Variants in DNAAF6 observed in about 807,000 individuals in gnomAD.
DNAAF6 encodes dynein axonemal assembly factor 6.
Under a neutral mutation model 13.7 loss-of-function variants are expected in DNAAF6, and 3 were observed. That is an observed-to-expected ratio of 0.22 (90% CI 0.10 to 0.56). The LOEUF (loss-of-function observed/expected upper bound fraction) is 0.56, where lower values mean the gene tolerates loss of function less well. Ranked by LOEUF, DNAAF6 falls within the 20% of genes least tolerant of loss-of-function variation. The probability of loss-of-function intolerance (pLI) is 0.92; values close to 1 mark genes in which losing one functional copy is unlikely to be tolerated. For synonymous variants in DNAAF6, 54 were observed against 49.2 expected (o/e 1.10, Z -0.41); for missense variants, 130 against 151.0 (o/e 0.86, Z 0.73).
intron 1 of DNAAF6, among the ~76,000 whole-genome samples, chrX:107,212,345 C>G (rs1927874994): frequency 9.0e-6 from 1 of 110,587 alleles, no homozygotes; most frequent in Admixed American, 9.7e-5. Flanking sequence ...TCTGAACCTT[C>G]ATCTCTAGTA....
chrX:107,240,270 A>G (rs1051947077), intron 6 of DNAAF6, among the ~76,000 whole-genome samples: 9 of 112,136 alleles, frequency 8.0e-5, no homozygotes, highest in Admixed American at 5.7e-4. Flanking sequence ...GTACTTATAT[A>G]TTAAATGCGC....
At chrX:107,229,677 C>T (rs1023023655) in intron 5 of DNAAF6, among the ~76,000 whole-genome samples, 2 of 109,560 alleles carry the variant, frequency 1.8e-5, no homozygotes, top group Admixed American at 9.8e-5. Context: ...TAGTCCTGAA[C>T]TCTCCCATGG....
chrX:107,237,109 T>G (rs142783833), intron 5 of DNAAF6, among the ~76,000 whole-genome samples: 1,570 of 112,510 alleles, frequency 0.014, 18 homozygotes, highest in South Asian at 0.11. Flanking sequence ...TACAAATCTT[T>G]GTTTATATAC....
chrX:107,225,353 C>T (rs746122961), intron 5 of DNAAF6, among the ~76,000 whole-genome samples: 11 of 110,975 alleles, frequency 9.9e-5, no homozygotes, highest in Middle Eastern at 4.7e-3. Flanking sequence ...TATGGTGTTT[C>T]CTTGAATCTA....
Position 107,211,015 on chromosome X carries a change from G to A in DNAAF6, c.-3-1858G>A, listed in dbSNP as rs749018157. On this transcript the variant is annotated intron_variant, in intron 1 of 6. Coordinates refer to ENST00000372453, the MANE Select transcript of DNAAF6 (RefSeq NM_173494.2). ...ACACTGCATAGTTCATTGTAGTGAAGATAGTTCCCTACAAATAGTTCTTTG... is the reference window on the plus strand; with the variant it reads ...ACACTGCATAGTTCATTGTAGTGAAAATAGTTCCCTACAAATAGTTCTTTG... Among the ~76,000 whole-genome samples the A allele has an allele frequency of 1.1e-3, 124 of 111,857 alleles. 1 individual carries two copies. In the Middle Eastern group the frequency reaches 0.046, roughly 42 times the overall value.
chrX:107,213,155 C>A, intron 2 of DNAAF6, 127 bp downstream of exon 2: 1 of 654,551 alleles, frequency 1.5e-6, no homozygotes, highest in Non-Finnish European at 2.2e-6. Context: ...CAGGAAGCTA[C>A]AAGGCTGATT....
At chrX:107,211,274 T>C (rs1927849111) in intron 1 of DNAAF6, among the ~76,000 whole-genome samples, 1 of 112,131 alleles carries the variant, frequency 8.9e-6, no homozygotes, top group Non-Finnish European at 1.9e-5. Flanking sequence ...AGTCACAAAA[T>C]ATTTGGGATT....
At chrX:107,212,670 T>A (rs767754325) in intron 1 of DNAAF6, among the ~76,000 whole-genome samples, 18 of 111,656 alleles carry the variant, frequency 1.6e-4, no homozygotes, top group Non-Finnish European at 3.4e-4. Context: ...TAAAGCAGGC[T>A]GAATGTTTGA....
chrX:107,236,708 G>C (rs189099246), intron 5 of DNAAF6, among the ~76,000 whole-genome samples: 1 of 112,188 alleles, frequency 8.9e-6, no homozygotes, highest in Admixed American at 9.5e-5. Context: ...CCCAGAAATT[G>C]TATCTATTTT....
rs973784024 is a variant in DNAAF6 at position 107,243,832 on chromosome X, G to A, written c.*534G>A. 5 of 112,738 alleles carry A rather than the reference G, an allele frequency of 4.4e-5. No individual in the cohort carries two copies. Among genetic ancestry groups the A allele is most frequent in the African/African-American group, 1.6e-4 (5 of 30,908 alleles). The allele number at this position is 112,738 out of a possible 1,213,427, so 9.3% of individuals were successfully genotyped here. On this transcript the variant is annotated 3_prime_UTR_variant, in exon 7 of 7. Transcript: ENST00000372453. ...TGAAATGGTTGGTCCACTTACTTCA[G>A]TAGTCTGAAAAACTTATGCTAATTA... is the stretch of plus-strand genomic sequence containing the variant.
intron 5 of DNAAF6, among the ~76,000 whole-genome samples, chrX:107,238,209 T>C (rs991752892): frequency 5.4e-5 from 6 of 111,322 alleles, no homozygotes; most frequent in Non-Finnish European, 1.1e-4. Context: ...ACATTTGGGT[T>C]GCTTACACCT....
At position 107,212,870 on chromosome X, in the gene DNAAF6, C is replaced by T. The variant is rs1370534815; in HGVS notation, c.-3-3C>T. ...ACCTCTTTCTGATTATCTTTTTCTT[C>T]AGATAATGGAATCTGAAAATATGGA... On this transcript the variant is annotated splice_polypyrimidine_tract_variant and splice_region_variant and intron_variant, in intron 1 of 6. Transcript: ENST00000372453. 2.6e-6 allele frequency: 3 copies of T among 1,166,120 alleles called. No homozygotes were observed. Among genetic ancestry groups the T allele is most frequent in the Non-Finnish European group, 3.4e-6 (3 of 874,025 alleles).
At chrX:107,217,707 G>A (rs188768800) in intron 3 of DNAAF6, among the ~76,000 whole-genome samples, 66 of 112,231 alleles carry the variant, frequency 5.9e-4, no homozygotes, top group Middle Eastern at 4.6e-3. Context: ...CAGAGGATAG[G>A]AAGGGAGAGG....
At chrX:107,225,214 G>A (rs920952928) in intron 5 of DNAAF6, among the ~76,000 whole-genome samples, 1 of 110,392 alleles carries the variant, frequency 9.1e-6, no homozygotes, top group Non-Finnish European at 1.9e-5. Context: ...ATGTTATCCT[G>A]TAGGCATACT....
intron 6 of DNAAF6, among the ~76,000 whole-genome samples, chrX:107,241,721 T>C (rs1928627681): frequency 8.9e-6 from 1 of 111,862 alleles, no homozygotes. Context: ...CCTAAATCAG[T>C]TGTACAGTTC....
intron 2 of DNAAF6, among the ~76,000 whole-genome samples, chrX:107,216,392 G>A (rs761778523): frequency 3.6e-5 from 4 of 111,401 alleles, no homozygotes; most frequent in Non-Finnish European, 7.6e-5. Flanking sequence ...CTATCCCCAG[G>A]GATACATGAT....
At chrX:107,224,124 A>G (rs1928206249) in intron 5 of DNAAF6, among the ~76,000 whole-genome samples, 1 of 111,736 alleles carries the variant, frequency 8.9e-6, no homozygotes, top group Admixed American at 9.5e-5. Flanking sequence ...GTTTATCTAA[A>G]ACTCAATAAG....
chrX:107,243,975 T>C lies in DNAAF6; in HGVS notation c.*677T>C, dbSNP rs1928677190. 1 of 112,643 alleles carries C rather than the reference T, an allele frequency of 8.9e-6. No individual in the cohort carries two copies. Among genetic ancestry groups the C allele is most frequent in the Non-Finnish European group, 1.9e-5 (1 of 53,287 alleles). 9.3% of individuals were successfully genotyped at this position (112,643 alleles called of 1,213,427 possible). A position where few individuals can be genotyped will look rare whatever the true frequency, so the allele number is the denominator to read the frequency against. ...GCAAATGATTTACAGTGTTCTCTGT[T>C]TAGGCTCTCACTGTTGTTCTGGAAT... On this transcript the variant is annotated 3_prime_UTR_variant, in exon 7 of 7. Coordinates refer to ENST00000372453, the MANE Select transcript of DNAAF6 (RefSeq NM_173494.2).
At chrX:107,220,059 A>T (rs1928088178) in intron 4 of DNAAF6, among the ~76,000 whole-genome samples, 1 of 111,920 alleles carries the variant, frequency 8.9e-6, no homozygotes, top group African/African-American at 3.3e-5. Flanking sequence ...TCAGCCTCCC[A>T]AAGTGCTAAG....
Sources: gnomAD v4.1 joint callset for allele counts (sites outside exome capture counted in the v4.1 genomes callset) on GRCh38, gnomAD v4.1.1 for gene constraint, MANE v1.5 for transcripts, NCBI Gene and HGNC (gene_info 2026-07-23, HGNC 2026-07-21) for gene names.